ARL15: variants seen among roughly 807,000 people sequenced by gnomAD.
The protein encoded by ARL15 is ARF like GTPase 15, also known as ADP-ribosylation factor-like protein 15.
ARL15 carries 19 observed loss-of-function variants against 25.2 expected under a neutral mutation model. The ratio of observed to expected loss-of-function variants is 0.75; its 90% confidence interval spans 0.53 to 1.10. The LOEUF (loss-of-function observed/expected upper bound fraction) is 1.10, where lower values mean the gene tolerates loss of function less well. ARL15 is among the 50% of genes least tolerant of loss of function. ARL15 has a pLI of 0.00. For missense variants in ARL15, 220 were observed against 246.0 expected (o/e 0.89, Z 0.71); for synonymous variants, 94 against 86.8 (o/e 1.08, Z -0.46).
At chr5:54,180,429 A>C (rs1374200918) in intron 1 of ARL15, among the ~76,000 whole-genome samples, 1 of 152,216 alleles carries the variant, frequency 6.6e-6, no homozygotes. Flanking sequence ...GAAAAATAAC[A>C]AACAGGGCAA....
chr5:54,071,521 C>A (rs1296595171), intron 4 of ARL15, among the ~76,000 whole-genome samples: 2,398 of 112,242 alleles, frequency 0.021, 149 homozygotes, highest in African/African-American at 0.1. Flanking sequence ...CCCCCCCCCC[C>A]CCCCGCAAAG....
chr5:54,231,184 C>T (rs559363560), intron 1 of ARL15, among the ~76,000 whole-genome samples: 1 of 152,188 alleles, frequency 6.6e-6, no homozygotes, highest in Non-Finnish European at 1.5e-5. Context: ...TCTCAACTTG[C>T]TGCTCTGCTG....
chr5:54,129,078 C>T (rs560798803), intron 3 of ARL15, among the ~76,000 whole-genome samples: 7 of 152,098 alleles, frequency 4.6e-5, no homozygotes, highest in African/African-American at 1.7e-4. Flanking sequence ...ATTTTATTAC[C>T]ATCATTAGCA....
At chr5:54,267,676 C>T (rs1757666404) in intron 1 of ARL15, among the ~76,000 whole-genome samples, 1 of 152,080 alleles carries the variant, frequency 6.6e-6, no homozygotes, top group South Asian at 2.1e-4. Context: ...GTGACAAAAT[C>T]TCTCAGCATT....
chr5:54,014,670 G>A (rs931540803), intron 4 of ARL15, among the ~76,000 whole-genome samples: 13 of 151,810 alleles, frequency 8.6e-5, no homozygotes, highest in Non-Finnish European at 2.9e-5. Flanking sequence ...ACAGGCACAC[G>A]TCACCATACC....
chr5:54,101,000 G>A (rs1752417935), intron 4 of ARL15, among the ~76,000 whole-genome samples: 1 of 151,958 alleles, frequency 6.6e-6, no homozygotes, highest in African/African-American at 2.4e-5. Flanking sequence ...AATATCACAT[G>A]GGGATCCAAA....
intron 1 of ARL15, among the ~76,000 whole-genome samples, chr5:54,228,315 A>G (rs1756578042): frequency 6.6e-6 from 1 of 152,214 alleles, no homozygotes; most frequent in Non-Finnish European, 1.5e-5. Context: ...CCTGAGATAC[A>G]TACTGCTAAT....
chr5:54,090,110 ACATT>A (rs1752088461), intron 4 of ARL15, among the ~76,000 whole-genome samples: 1 of 152,218 alleles, frequency 6.6e-6, no homozygotes, highest in Non-Finnish European at 1.5e-5. Context: ...TACAAATGTT[ACATT>A]CATTAACATT....
intron 4 of ARL15, among the ~76,000 whole-genome samples, chr5:54,058,396 C>A (rs561403837): frequency 6.4e-4 from 98 of 152,094 alleles, no homozygotes; most frequent in Non-Finnish European, 1.2e-3. Flanking sequence ...ATTAAATAAA[C>A]AAGTATTTGT....
At chr5:54,084,590 G>A (rs894968556) in intron 4 of ARL15, among the ~76,000 whole-genome samples, 3 of 151,980 alleles carry the variant, frequency 2.0e-5, no homozygotes, top group Non-Finnish European at 2.9e-5. Flanking sequence ...GTTTTTGTAC[G>A]ACCCCCAGAT....
At chr5:54,066,810 TTACTA>T (rs200921642) in intron 4 of ARL15, among the ~76,000 whole-genome samples, 236 of 152,244 alleles carry the variant, frequency 1.6e-3, no homozygotes, top group African/African-American at 4.9e-3. Context: ...TTAAATTGTC[TTACTA>T]TACAAGAAAC....
At chr5:54,300,504 T>C (rs1037603764) in intron 1 of ARL15, among the ~76,000 whole-genome samples, 1 of 152,232 alleles carries the variant, frequency 6.6e-6, no homozygotes, top group Non-Finnish European at 1.5e-5. Flanking sequence ...AACTGCCTAG[T>C]TGAACCCAGT....
intron 4 of ARL15, among the ~76,000 whole-genome samples, chr5:53,942,383 G>A (rs923713580): frequency 1.4e-4 from 21 of 152,246 alleles, no homozygotes; most frequent in South Asian, 4.2e-4. Context: ...TCTAGAAATC[G>A]GTTGAGAGCT....
chr5:53,888,509 C>T (rs1328654147), intron 4 of ARL15, among the ~76,000 whole-genome samples: 1 of 152,154 alleles, frequency 6.6e-6, no homozygotes, highest in Non-Finnish European at 1.5e-5. Flanking sequence ...GTCTTGAACT[C>T]CTAAGCTCAG....
At chr5:54,285,809 C>G (rs777265649) in intron 1 of ARL15, among the ~76,000 whole-genome samples, 45 of 152,110 alleles carry the variant, frequency 3.0e-4, no homozygotes, top group Non-Finnish European at 1.0e-4. Flanking sequence ...CATTTCCTCT[C>G]AATAGCAGAC....
chr5:53,986,514 TGGTCTAG>T (rs1474330318), intron 4 of ARL15, among the ~76,000 whole-genome samples: 1 of 152,228 alleles, frequency 6.6e-6, no homozygotes, highest in Non-Finnish European at 1.5e-5. Context: ...CGGATTACAC[TGGTCTAG>T]GGTACAGCCT....
At chr5:54,025,939 T>A (rs907377681) in intron 4 of ARL15, among the ~76,000 whole-genome samples, 3 of 152,210 alleles carry the variant, frequency 2.0e-5, no homozygotes, top group Non-Finnish European at 4.4e-5. Context: ...AAATACCAAC[T>A]TCCTATAATA....
intron 4 of ARL15, chr5:53,912,221 T>C (rs2111982815): frequency 6.6e-6 from 1 of 152,260 alleles, no homozygotes; most frequent in East Asian, 1.9e-4. Context: ...TTTTCGAAGC[T>C]AGGACACCGA....
At chr5:54,114,106 CAT>C (rs1752820123) in intron 3 of ARL15, among the ~76,000 whole-genome samples, 1 of 151,578 alleles carries the variant, frequency 6.6e-6, no homozygotes, top group African/African-American at 2.4e-5. Flanking sequence ...AACAAACAAA[CAT>C]ATGGAGAGGC....
Sources: gnomAD v4.1 joint callset for allele counts (sites outside exome capture counted in the v4.1 genomes callset) on GRCh38, gnomAD v4.1.1 for gene constraint, MANE v1.5 for transcripts, NCBI Gene and HGNC (gene_info 2026-07-23, HGNC 2026-07-21) for gene names.